The following RPH3AL variants were observed in gnomAD, a reference collection of about 807,000 sequenced individuals.
The protein encoded by RPH3AL is rab effector Noc2.
RPH3AL carries 38 observed loss-of-function variants against 43.1 expected under a neutral mutation model. The observed-to-expected ratio is 0.88, with a 90% CI of 0.68 to 1.15. The LOEUF (loss-of-function observed/expected upper bound fraction) is 1.15. RPH3AL is among the 50% of genes most tolerant of loss of function. The probability of loss-of-function intolerance (pLI) is 0.00; values close to 1 mark genes in which losing one functional copy is unlikely to be tolerated. For synonymous variants in RPH3AL, 189 were observed against 176.3 expected, an observed-to-expected ratio of 1.07 and a Z score of -0.57; for missense variants, 462 against 423.2, an observed-to-expected ratio of 1.09 and a Z score of -0.81.
intron 6 of RPH3AL, among the ~76,000 whole-genome samples, chr17:272,847 CA>C (rs1431729988): frequency 2.6e-5 from 4 of 151,524 alleles, no homozygotes; most frequent in Non-Finnish European, 5.9e-5. Context: ...AGTCAATCAA[CA>C]AGCAGGAGAG....
chr17:271,786 C>A (rs955986661), intron 6 of RPH3AL, among the ~76,000 whole-genome samples: 1 of 152,186 alleles, frequency 6.6e-6, no homozygotes, highest in Non-Finnish European at 1.5e-5. Context: ...ATTGCCCTGG[C>A]CAGAGCTTCC....
chr17:345,672 ATCTGCGCGCACACCCTGCTGGGGCACG>A lies in RPH3AL; in HGVS notation c.-213+7013_-213+7039del, dbSNP rs1567541400. Among the ~76,000 whole-genome samples the A allele has an allele frequency of 5.2e-5, 4 of 76,980 alleles. 1 individual carries two copies. Among genetic ancestry groups the A allele is most frequent in the Non-Finnish European group, 1.4e-4 (4 of 28,780 alleles). 50.5% of individuals were successfully genotyped at this position (76,980 alleles called of 152,430 possible). A position where few individuals can be genotyped will look rare whatever the true frequency, so the allele number is the denominator to read the frequency against. On this transcript the variant is annotated intron_variant, in intron 1 of 9. Coordinates refer to ENST00000331302, the MANE Select transcript of RPH3AL (RefSeq NM_006987.4). ...CCCTGCTGGGGCACGCGTGCTCCCC[ATCTGCGCGCACACCCTGCTGGGGCACG>A]CGTGCTCCCCATCTGCGTGCATACC...
At chr17:286,202 G>A (rs1186758429) in intron 5 of RPH3AL, among the ~76,000 whole-genome samples, 1 of 152,202 alleles carries the variant, frequency 6.6e-6, no homozygotes, top group African/African-American at 2.4e-5. Context: ...CGAGGACGCG[G>A]AGCCAACGGA....
At chr17:240,043 T>A (rs1047622466) in intron 7 of RPH3AL, among the ~76,000 whole-genome samples, 1 of 152,056 alleles carries the variant, frequency 6.6e-6, no homozygotes. Context: ...TTCAAGACCA[T>A]CCTGACCAAC....
chr17:243,736 ACCTTCCTCTATTGATTAC>A (rs2041657393), intron 7 of RPH3AL, among the ~76,000 whole-genome samples: 4 of 115,532 alleles, frequency 3.5e-5, no homozygotes, highest in Admixed American at 1.8e-4. Flanking sequence ...TCTATTGATT[ACCTTCCTCTATTGATTAC>A]CCTTCCTCTA....
At chr17:286,199 G>A (rs11652478) in intron 5 of RPH3AL, among the ~76,000 whole-genome samples, 68,076 of 152,066 alleles carry the variant, frequency 0.45, 16,915 homozygotes, top group East Asian at 0.78. Flanking sequence ...CCACGAGGAC[G>A]CGGAGCCAAC....
rs1185150691 is a variant in RPH3AL at position 289,648 on chromosome 17, C to T, written c.352-7794G>A. 2.6e-5 allele frequency among the ~76,000 whole-genome samples: 4 copies of T among 152,216 alleles called. No individual in the cohort carries two copies. Among genetic ancestry groups the T allele is most frequent in the Admixed American group, 6.5e-5 (1 of 15,282 alleles). ...GGGGTGACCACCGCCTCACTTCATA[C>T]GGCATTCGGGCCGGCCCTGCCTCCT... On this transcript the variant is annotated intron_variant, in intron 5 of 9. Transcript: ENST00000331302. This position sits in a 1 kb window ranked among gnomAD's most constrained non-coding sequence, Gnocchi z 5.2.
chr17:319,996 G>A (rs1219144438), intron 4 of RPH3AL, among the ~76,000 whole-genome samples: 1 of 1,558 alleles, frequency 6.4e-4, no homozygotes, highest in East Asian at 0.015. Flanking sequence ...GAGACTGAGG[G>A]GAGGGAGGGG....
intron 1 of RPH3AL, among the ~76,000 whole-genome samples, chr17:337,345 C>T (rs2044986401): frequency 2.6e-5 from 4 of 152,314 alleles, no homozygotes; most frequent in South Asian, 4.1e-4. Flanking sequence ...AAATGATCCT[C>T]CTGCCTCAGC....
chr17:352,272 T>C (rs931247175), intron 1 of RPH3AL, among the ~76,000 whole-genome samples: 1 of 152,222 alleles, frequency 6.6e-6, no homozygotes, highest in African/African-American at 2.4e-5. Context: ...TCTGCTCCGA[T>C]GCGTGGCCCC....
chr17:237,138 C>T (rs1198271947), intron 7 of RPH3AL, among the ~76,000 whole-genome samples: 2 of 152,202 alleles, frequency 1.3e-5, no homozygotes, highest in African/African-American at 4.8e-5. Context: ...GAAGGGCGGC[C>T]CCGGCAAACA....
chr17:240,237 C>CAAAAA lies in RPH3AL; in HGVS notation c.613+6869_613+6873dup, dbSNP rs56048443. 1.0e-3 allele frequency among the ~76,000 whole-genome samples: 142 copies of CAAAAA among 140,292 alleles called. 3 individuals are homozygous for CAAAAA. In the South Asian group the frequency reaches 0.015, roughly 15 times the overall value. The allele number at this position is 140,292 out of a possible 152,430, so 92.0% of individuals were successfully genotyped here. A position where few individuals can be genotyped will look rare whatever the true frequency, so the allele number is the denominator to read the frequency against. ...GGGCAACAAGAGTGAAACTCCATCT[C>CAAAAA]AAAAAAAAAAAAAAAGGTTTTTTTG... is the stretch of plus-strand genomic sequence containing the variant. On this transcript the variant is annotated intron_variant, in intron 7 of 9. Coordinates refer to ENST00000331302, the MANE Select transcript of RPH3AL (RefSeq NM_006987.4).
At chr17:214,339 A>G (rs2040741521) in intron 9 of RPH3AL, among the ~76,000 whole-genome samples, 1 of 152,246 alleles carries the variant, frequency 6.6e-6, no homozygotes, top group Non-Finnish European at 1.5e-5. Context: ...AAGGCAGTCC[A>G]TGTGACACTG....
At chr17:317,187 T>A (rs937087954) in intron 5 of RPH3AL, among the ~76,000 whole-genome samples, 2 of 150,194 alleles carry the variant, frequency 1.3e-5, no homozygotes, top group African/African-American at 4.9e-5. Context: ...CCACCTCCAT[T>A]GACCTGTAGT....
At position 245,429 on chromosome 17, in the gene RPH3AL, G is replaced by A. The variant is rs2041739134; in HGVS notation, c.613+1682C>T. Among the ~76,000 whole-genome samples, 3 of 150,914 alleles carry A rather than the reference G, an allele frequency of 2.0e-5. No homozygotes were observed. The highest frequency in any genetic ancestry group is 4.3e-4 in the South Asian group (2 of 4,630). ...TGTGTGTGTGCATGGTGATGTGTGT[G>A]TAGGTGTGAGCGTGTGTCAATGCGG... is the stretch of plus-strand genomic sequence containing the variant. On this transcript the variant is annotated intron_variant, in intron 7 of 9. Transcript: ENST00000331302. The surrounding 1 kb of genome is among the most constrained non-coding windows in gnomAD (Gnocchi z 5.9).
intron 5 of RPH3AL, among the ~76,000 whole-genome samples, chr17:315,919 A>T: frequency 1.4e-5 from 2 of 138,430 alleles, no homozygotes; most frequent in Non-Finnish European, 3.0e-5. Flanking sequence ...ACTGATGTGT[A>T]GTCCCTGTGC....
At chr17:239,158 G>A (rs887013040) in intron 7 of RPH3AL, among the ~76,000 whole-genome samples, 13 of 152,186 alleles carry the variant, frequency 8.5e-5, no homozygotes, top group African/African-American at 1.9e-4. Flanking sequence ...AATACCCAGC[G>A]TCCAGGGGAG....
intron 7 of RPH3AL, among the ~76,000 whole-genome samples, chr17:243,871 C>T (rs998470597): frequency 1.3e-5 from 2 of 149,438 alleles, no homozygotes; most frequent in Non-Finnish European, 3.0e-5. Flanking sequence ...CTACTGATTA[C>T]ACTTCCTCTA....
chr17:272,535 C>T (rs1219420413), intron 6 of RPH3AL, among the ~76,000 whole-genome samples: 1 of 138,268 alleles, frequency 7.2e-6, no homozygotes, highest in Non-Finnish European at 1.5e-5. Context: ...TGTTCTCACT[C>T]ATAGGTGGGA....
Sources: allele counts gnomAD v4.1 joint callset (sites outside exome capture counted in the v4.1 genomes callset), GRCh38; gene constraint gnomAD v4.1.1; non-coding constraint Gnocchi (gnomAD v3.1); transcripts MANE v1.5; gene names NCBI Gene and HGNC (gene_info 2026-07-23, HGNC 2026-07-21).